Variants in NOTCH2 observed in about 807,000 individuals in gnomAD.
The protein encoded by NOTCH2 is neurogenic locus notch homolog protein 2.
A neutral mutation model predicts 235.8 loss-of-function variants in NOTCH2; 29 were observed. The observed-to-expected ratio is 0.12, with a 90% confidence interval of 0.09 to 0.17. The LOEUF is 0.17. Ranked by LOEUF, NOTCH2 falls within the 10% of genes least tolerant of loss-of-function variation. The pLI, the probability that NOTCH2 is intolerant of heterozygous loss-of-function variation, is 1.00. For missense variants in NOTCH2, 2,285 were observed against 3,150.2 expected (o/e 0.73, Z 6.57); for synonymous variants, 1,086 against 1,141.5 (o/e 0.95, Z 0.98).
intron 1 of NOTCH2, among the ~76,000 whole-genome samples, chr1:120,033,473 T>C (rs1286078343): frequency 7.2e-6 from 1 of 138,564 alleles, no homozygotes; most frequent in Non-Finnish European, 1.5e-5. Flanking sequence ...TGGAATACTA[T>C]TCAACCTTTA....
Position 120,021,163 on chromosome 1 carries a change from C to T in NOTCH2, c.155+8743G>A, listed in dbSNP as rs2746783. 2.5e-5 allele frequency among the ~76,000 whole-genome samples: 3 copies of T among 119,306 alleles called. 1 individual carries two copies. Among genetic ancestry groups the T allele is most frequent in the Admixed American group, 1.5e-4 (2 of 13,546 alleles). The allele number at this position is 119,306 out of a possible 152,430, so 78.3% of individuals were successfully genotyped here. On this transcript the variant is annotated intron_variant, in intron 2 of 33. Transcript: ENST00000256646. ...GAATAAATAGGATCTAGAAAATGTGCGGAAATCCAATAGAAAGTTTAATTT... is the reference window on the plus strand; with the variant it reads ...GAATAAATAGGATCTAGAAAATGTGTGGAAATCCAATAGAAAGTTTAATTT...
At chr1:119,994,262 A>C (rs1411388666) in intron 4 of NOTCH2, 2 of 125,206 alleles carry the variant, frequency 1.6e-5, no homozygotes, top group Non-Finnish European at 3.3e-5. Flanking sequence ...AACCATCTCT[A>C]GGCACTATTT....
In NOTCH2 at chr1:119,953,622, A is replaced by C; in HGVS notation, c.2286T>G (p.Leu762=). 6.2e-7 allele frequency: 1 copy of C among 1,614,128 alleles called. No homozygotes were observed. The highest frequency in any genetic ancestry group is 1.1e-5 in the South Asian group (1 of 91,080). ...TTCCTCCATTCTGGCATGGATTCGAAAGGCATTCATTTTTGTCCACTTCAC... is the reference window on the plus strand; with the variant it reads ...TTCCTCCATTCTGGCATGGATTCGACAGGCATTCATTTTTGTCCACTTCAC... ...INCEVDKNEC[L]SNPCQNGGTC... The change falls in exon 14 of 34, where the codon CTT becomes CTG. Residue 762 remains leucine (L), a synonymous_variant. Coordinates refer to ENST00000256646, the MANE Select transcript of NOTCH2 (RefSeq NM_024408.4).
Position 119,935,618 on chromosome 1 carries a change from A to G in NOTCH2, c.3523-14T>C, listed in dbSNP as rs1553195646. ...GCCTGGGACACACTGCCATGAGGAA[A>G]CAAAAAGGACAAGAAATATTGGACC... is the stretch of plus-strand genomic sequence containing the variant. On this transcript the variant is annotated splice_polypyrimidine_tract_variant and intron_variant, in intron 21 of 33. Coordinates refer to ENST00000256646, the MANE Select transcript of NOTCH2 (RefSeq NM_024408.4). 2 of 1,613,692 alleles carry G rather than the reference A, an allele frequency of 1.2e-6. No individual in the cohort carries two copies. The highest frequency in any genetic ancestry group is 2.2e-5 in the South Asian group (2 of 91,084).
intron 22 of NOTCH2, among the ~76,000 whole-genome samples, chr1:119,933,431 T>C (rs1180184486): frequency 6.6e-6 from 1 of 151,322 alleles, no homozygotes; most frequent in Non-Finnish European, 1.5e-5. Context: ...CACAGTAAAA[T>C]AATCCAAGGA....
At chr1:119,919,103 T>G (rs587639350) in intron 31 of NOTCH2, among the ~76,000 whole-genome samples, 3 of 152,360 alleles carry the variant, frequency 2.0e-5, no homozygotes, top group Non-Finnish European at 4.4e-5. Context: ...TGTCTGCAGT[T>G]GGCTCTATCA....
intron 5 of NOTCH2, among the ~76,000 whole-genome samples, chr1:119,981,881 A>G (rs773165278): frequency 2.0e-5 from 3 of 152,276 alleles, no homozygotes; most frequent in Non-Finnish European, 4.4e-5. Context: ...AGCAGCTTTG[A>G]AATACCATAT....
In NOTCH2 at chr1:119,995,241, G is replaced by T. The variant is rs202100837; in HGVS notation, c.751+1756C>A. 75 of 145,682 alleles carry T rather than the reference G, an allele frequency of 5.1e-4. No individual in the cohort carries two copies. In the East Asian group the frequency reaches 0.014, roughly 27 times the overall value. 9.0% of individuals were successfully genotyped at this position (145,682 alleles called of 1,614,324 possible). A position where few individuals can be genotyped will look rare whatever the true frequency, so the allele number is the denominator to read the frequency against. Reference sequence around the variant, plus strand: ...AGAATTCCCTAAGGTTCTTATCGTGGCTAATGGATAACAATGCAGAGGCTA... The same window carrying T: ...AGAATTCCCTAAGGTTCTTATCGTGTCTAATGGATAACAATGCAGAGGCTA... On this transcript the variant is annotated intron_variant, in intron 4 of 33. Transcript: ENST00000256646.
Position 120,015,058 on chromosome 1 carries a change from C to A in NOTCH2, c.156-9470G>T, listed in dbSNP as rs1385486541. ...AAAAAAAACAACAACAACAACAAAG[C>A]AAAATCCCACCACATACAAGAAGAA... is the stretch of plus-strand genomic sequence containing the variant. On this transcript the variant is annotated intron_variant, in intron 2 of 33. Coordinates refer to ENST00000256646, the MANE Select transcript of NOTCH2 (RefSeq NM_024408.4). Among the ~76,000 whole-genome samples, 4 of 145,842 alleles carry A rather than the reference C, an allele frequency of 2.7e-5. No individual in the cohort carries two copies. The East Asian group carries it at 8.0e-4, about 29-fold the overall frequency.
At chr1:119,971,314 C>T (rs189229113) in intron 5 of NOTCH2, among the ~76,000 whole-genome samples, 4 of 152,310 alleles carry the variant, frequency 2.6e-5, no homozygotes, top group Admixed American at 2.6e-4. Context: ...CTTCCATGCT[C>T]TTCTCCTAAC....
chr1:119,982,973 C>A (rs1254360688), intron 5 of NOTCH2, among the ~76,000 whole-genome samples: 1 of 152,096 alleles, frequency 6.6e-6, no homozygotes, highest in Non-Finnish European at 1.5e-5. Context: ...TACCTACAGA[C>A]CATCTTTGCA....
intron 32 of NOTCH2, 128 bp downstream of exon 32, chr1:119,918,278 T>C: frequency 1.9e-6 from 2 of 1,050,404 alleles, no homozygotes; most frequent in East Asian, 2.4e-5. Flanking sequence ...AATGCATGAA[T>C]GAAAGAATGA....
At chr1:119,988,852 A>G (rs1413926726) in intron 4 of NOTCH2, among the ~76,000 whole-genome samples, 2 of 152,202 alleles carry the variant, frequency 1.3e-5, no homozygotes, top group Non-Finnish European at 2.9e-5. Context: ...AAGCCCTTGT[A>G]GCTCAACTAT....
chr1:119,987,793 A>G (rs2101186806), intron 4 of NOTCH2, among the ~76,000 whole-genome samples: 1 of 152,198 alleles, frequency 6.6e-6, no homozygotes, highest in East Asian at 1.9e-4. Context: ...TTACTAACTA[A>G]GCTTACCAGC....
At chr1:120,000,422 T>A (rs1347419426) in intron 3 of NOTCH2, among the ~76,000 whole-genome samples, 6 of 148,598 alleles carry the variant, frequency 4.0e-5, no homozygotes, top group African/African-American at 1.5e-4. Flanking sequence ...TAGTCCCAGC[T>A]ACTCAGGAGG....
At chr1:119,949,849 T>G (rs148087826) in intron 15 of NOTCH2, among the ~76,000 whole-genome samples, 1 of 152,340 alleles carries the variant, frequency 6.6e-6, no homozygotes, top group East Asian at 1.9e-4. Flanking sequence ...GCCATGCTCC[T>G]GACTGCATGC....
rs587764030 is a variant in NOTCH2 at position 119,951,845 on chromosome 1, T to C, written c.2366-1008A>G. 4.6e-5 allele frequency among the ~76,000 whole-genome samples: 7 copies of C among 152,374 alleles called. No homozygotes were observed. In the South Asian group the frequency reaches 1.4e-3, roughly 32 times the overall value. On this transcript the variant is annotated intron_variant, in intron 14 of 33. Transcript: ENST00000256646. ...AGTATTCTGCTGCCCACTGGGCATA[T>C]AATTTGGGATTTTACCTTTTGAATT...
At position 119,967,585 on chromosome 1, in the gene NOTCH2, A is replaced by G; in HGVS notation, c.1301T>C (p.Val434Ala). The G allele has an allele frequency of 6.2e-7, 1 of 1,614,114 alleles. No homozygotes were observed. Among genetic ancestry groups the G allele is most frequent in the Non-Finnish European group, 8.5e-7 (1 of 1,179,964 alleles). The part of the protein sequence containing the change: ...SNPCEHAGKC[V>A]NTDGAFHCEC... ...ACAGTGGAAGGCGCCATCCGTGTTCACACATTTTCCTGCATGCTCACAAGG... is the reference window on the plus strand; with the variant it reads ...ACAGTGGAAGGCGCCATCCGTGTTCGCACATTTTCCTGCATGCTCACAAGG... The change falls in exon 8 of 34, where the codon GTG becomes GCG. Residue 434 changes from valine (V) to alanine (A), a missense_variant. Around this residue, in one of 6 missense-constraint regions of NOTCH2, gnomAD observed 431 missense variants for 757.8 expected, o/e 0.57. Coordinates refer to ENST00000256646, the MANE Select transcript of NOTCH2 (RefSeq NM_024408.4).
At chr1:119,956,950 A>C (rs2453051) in intron 12 of NOTCH2, among the ~76,000 whole-genome samples, 25,360 of 152,082 alleles carry the variant, frequency 0.17, 2,895 homozygotes, top group African/African-American at 0.32. Context: ...TTTTTGGGCT[A>C]GGTAACTAAA....
Sources: allele counts gnomAD v4.1 joint callset (sites outside exome capture counted in the v4.1 genomes callset), GRCh38; gene constraint gnomAD v4.1.1; regional missense constraint gnomAD v4.1.1; transcripts MANE v1.5; gene names NCBI Gene and HGNC (gene_info 2026-07-23, HGNC 2026-07-21).